DMD: variants seen among roughly 807,000 people sequenced by gnomAD.
DMD encodes the protein dystrophin, also known as mutant dystrophin.
In DMD, 63 loss-of-function variants were observed where a neutral mutation model predicts 330.1. The observed-to-expected ratio is 0.19, with a 90% CI of 0.16 to 0.24. The LOEUF (loss-of-function observed/expected upper bound fraction) is 0.24, where lower values mean the gene tolerates loss of function less well. Ranked by LOEUF, DMD falls within the 10% of genes least tolerant of loss-of-function variation. DMD has a pLI of 1.00. For missense variants in DMD, 3,344 were observed against 2,684.1 expected (o/e 1.25, Z -5.43); for synonymous variants, 1,223 against 959.8 (o/e 1.27, Z -5.07).
intron 60 of DMD, among the ~76,000 whole-genome samples, chrX:31,400,425 A>C (rs2061138288): frequency 9.0e-6 from 1 of 111,438 alleles, no homozygotes; most frequent in Admixed American, 9.6e-5. Flanking sequence ...AATATATATA[A>C]AACCAAGCTG....
rs997510113 is a variant in DMD, at chrX:31,623,649, A to G, written c.8217+4024T>C. ...AACTTTATGAAACTTGTCTCTCTGG[A>G]AATGTTTTATTCATCAGAAGACAAT... On this transcript the variant is annotated intron_variant, in intron 55 of 78. Coordinates refer to ENST00000357033, the MANE Select transcript of DMD (RefSeq NM_004006.3). Among the ~76,000 whole-genome samples the G allele has an allele frequency of 4.5e-5, 5 of 111,724 alleles. No individual in the cohort carries two copies. In the East Asian group the frequency reaches 1.4e-3, roughly 31 times the overall value.
chrX:31,510,879 C>G (rs1275303903), intron 55 of DMD, among the ~76,000 whole-genome samples: 1 of 111,382 alleles, frequency 9.0e-6, no homozygotes, highest in Non-Finnish European at 1.9e-5. Context: ...AATGTTCACA[C>G]TGAAAAGGTC....
intron 56 of DMD, among the ~76,000 whole-genome samples, chrX:31,499,690 G>A (rs978941334): frequency 2.7e-5 from 3 of 110,558 alleles, no homozygotes; most frequent in Non-Finnish European, 3.8e-5. Context: ...ATGGGGTTTC[G>A]CCATGCTGGC....
At chrX:32,679,911 T>TTTC (rs1271019292) in intron 9 of DMD, among the ~76,000 whole-genome samples, 1 of 67,758 alleles carries the variant, frequency 1.5e-5, no homozygotes, top group Non-Finnish European at 2.7e-5. Flanking sequence ...ACTTTTTTTT[T>TTTC]TTTTTTTTTT....
intron 1 of DMD, among the ~76,000 whole-genome samples, chrX:33,101,116 T>A (rs1260988770): frequency 8.9e-6 from 1 of 112,427 alleles, no homozygotes; most frequent in African/African-American, 3.2e-5. Flanking sequence ...CAGCGTTTAT[T>A]TGTTTATTTG....
At chrX:31,454,951 CT>C (rs61091457) in intron 59 of DMD, among the ~76,000 whole-genome samples, 4,886 of 80,059 alleles carry the variant, frequency 0.061, 361 homozygotes, top group African/African-American at 0.2. Context: ...TTTTCTTTTT[CT>C]TTTTTTTTTT....
chrX:31,484,273 T>C (rs2068617825), intron 57 of DMD, among the ~76,000 whole-genome samples: 1 of 112,062 alleles, frequency 8.9e-6, no homozygotes. Flanking sequence ...TTTTGGTTAA[T>C]ATTTTAAACC....
intron 61 of DMD, among the ~76,000 whole-genome samples, chrX:31,329,549 G>A (rs978920032): frequency 1.8e-5 from 2 of 111,841 alleles, no homozygotes; most frequent in African/African-American, 3.3e-5. Context: ...CAGGGGAAAC[G>A]AGAAATTGTT....
intron 7 of DMD, among the ~76,000 whole-genome samples, chrX:32,722,597 A>G (rs1357648165): frequency 9.1e-6 from 1 of 110,191 alleles, no homozygotes; most frequent in Non-Finnish European, 1.9e-5. Context: ...AACATGGGAT[A>G]TTTTCCCATA....
intron 44 of DMD, among the ~76,000 whole-genome samples, chrX:32,069,510 G>A (rs921289198): frequency 4.5e-5 from 5 of 111,736 alleles, no homozygotes; most frequent in Middle Eastern, 4.6e-3. Flanking sequence ...AGAAAGTTCT[G>A]TAAGTCTCCA....
chrX:32,551,941 C>G (rs760058353), intron 16 of DMD, among the ~76,000 whole-genome samples: 2 of 111,873 alleles, frequency 1.8e-5, no homozygotes, highest in Non-Finnish European at 3.8e-5. Context: ...CACTGCTAAA[C>G]TGAGAATTAC....
At chrX:31,821,999 C>A (rs1432076148) in intron 49 of DMD, among the ~76,000 whole-genome samples, 1 of 111,979 alleles carries the variant, frequency 8.9e-6, no homozygotes, top group Non-Finnish European at 1.9e-5. Flanking sequence ...TCAATGAAAC[C>A]ATTACTTTAT....
At chrX:32,562,275 A>T in intron 16 of DMD, among the ~76,000 whole-genome samples, 1 of 112,550 alleles carries the variant, frequency 8.9e-6, no homozygotes, top group Non-Finnish European at 1.9e-5. Flanking sequence ...AAATACCCTC[A>T]GCTTGTGTCC....
intron 47 of DMD, among the ~76,000 whole-genome samples, chrX:31,877,307 G>GTT (rs1279085493): frequency 8.9e-6 from 1 of 111,781 alleles, no homozygotes; most frequent in African/African-American, 3.3e-5. Flanking sequence ...CCACAGCACT[G>GTT]TTTCCTTGGA....
intron 76 of DMD, among the ~76,000 whole-genome samples, chrX:31,138,417 C>T (rs903980041): frequency 1.8e-4 from 20 of 111,346 alleles, no homozygotes; most frequent in African/African-American, 6.6e-4. Context: ...TAATCATACA[C>T]TATGTAGCTA....
intron 44 of DMD, among the ~76,000 whole-genome samples, chrX:32,128,888 A>G (rs1467549717): frequency 8.9e-6 from 1 of 112,130 alleles, no homozygotes; most frequent in Non-Finnish European, 1.9e-5. Context: ...AGATTTTGAA[A>G]TGCCCAAATC....
In DMD at chrX:31,353,089, T is replaced by C. The variant is rs970861375; in HGVS notation, c.9085-4455A>G. ...AAGTATTTGTTAATATTGAAAGAGA[T>C]AGGCAAAAAACAAATGCTATAGTCC... On this transcript the variant is annotated intron_variant, in intron 60 of 78. Transcript: ENST00000357033. Among the ~76,000 whole-genome samples the C allele has an allele frequency of 3.6e-5, 4 of 110,871 alleles. No homozygotes were observed. The East Asian group carries it at 8.5e-4, about 23-fold the overall frequency.
At chrX:31,522,361 C>CTATA (rs1454794019) in intron 55 of DMD, among the ~76,000 whole-genome samples, 185 of 50,203 alleles carry the variant, frequency 3.7e-3, no homozygotes, top group East Asian at 6.0e-3. Context: ...CTCTCTCTCT[C>CTATA]TCTATATATA....
intron 61 of DMD, among the ~76,000 whole-genome samples, chrX:31,326,677 C>T (rs2056809431): frequency 9.1e-6 from 1 of 110,282 alleles, no homozygotes; most frequent in Non-Finnish European, 1.9e-5. Context: ...CACACTGGAA[C>T]TACTTGCTTT....
Sources: gnomAD v4.1 joint callset for allele counts (sites outside exome capture counted in the v4.1 genomes callset) on GRCh38, gnomAD v4.1.1 for gene constraint, MANE v1.5 for transcripts, NCBI Gene and HGNC (gene_info 2026-07-23, HGNC 2026-07-21) for gene names.